Variants in MMP26 observed in about 807,000 individuals in gnomAD.
The protein encoded by MMP26 is matrix metalloproteinase-26.
A neutral mutation model predicts 31.0 loss-of-function variants in MMP26; 33 were observed. That is an observed-to-expected ratio of 1.06 (90% CI 0.81 to 1.42). The LOEUF (loss-of-function observed/expected upper bound fraction) is 1.42. MMP26 is among the 40% of genes most tolerant of loss of function. The pLI, the probability that MMP26 is intolerant of heterozygous loss-of-function variation, is 0.00. For synonymous variants in MMP26, 122 were observed against 114.9 expected (o/e 1.06, Z -0.40); for missense variants, 347 against 316.1 (o/e 1.10, Z -0.74).
intron 2 of MMP26, among the ~76,000 whole-genome samples, chr11:4,893,358 G>T (rs1850656138): frequency 6.6e-6 from 1 of 151,900 alleles, no homozygotes; most frequent in Non-Finnish European, 1.5e-5. Context: ...GGTCCAATAG[G>T]AGAAGACCAC....
intron 2 of MMP26, among the ~76,000 whole-genome samples, chr11:4,962,559 C>G (rs143945579): frequency 1.1e-3 from 169 of 152,250 alleles, no homozygotes; most frequent in African/African-American, 4.0e-3. Context: ...ATCTCTACCC[C>G]CAAACAACTT....
At chr11:4,978,932 A>C (rs1846776480) in intron 2 of MMP26, among the ~76,000 whole-genome samples, 1 of 152,146 alleles carries the variant, frequency 6.6e-6, no homozygotes, top group Non-Finnish European at 1.5e-5. Context: ...ATAAGATAGA[A>C]TCTACCAGCA....
intron 2 of MMP26, chr11:4,889,906 A>T (rs893947827): frequency 6.4e-6 from 1 of 156,364 alleles, no homozygotes; most frequent in Non-Finnish European, 1.4e-5. Context: ...TAATGAACAC[A>T]CTTTCTGACA....
chr11:4,882,244 G>A (rs765974897), intron 2 of MMP26: 35 of 1,613,726 alleles, frequency 2.2e-5, no homozygotes, highest in Middle Eastern at 1.6e-4. Context: ...TGGAGTCCTC[G>A]GTGCTGGTAG....
chr11:4,760,502 G>T (rs1848557892), intron 1 of MMP26, among the ~76,000 whole-genome samples: 1 of 152,216 alleles, frequency 6.6e-6, no homozygotes, highest in Non-Finnish European at 1.5e-5. Context: ...TGAGAAAATA[G>T]ATGAGAGGAT....
Position 4,907,530 on chromosome 11 carries a change from C to T in MMP26, c.-144-80538C>T, listed in dbSNP as rs753338342. ...CTCTTTATTATAAAGACAGAGCCCT[C>T]GCTTCATGAGCCCATGTATTATTTC... On this transcript the variant is annotated intron_variant, in intron 2 of 7. Coordinates refer to ENST00000380390, the MANE Select transcript of MMP26 (RefSeq NM_021801.5). 40 of 1,613,948 alleles carry T rather than the reference C, an allele frequency of 2.5e-5. No homozygotes were observed. The highest frequency in any genetic ancestry group is 3.3e-5 in the Admixed American group (2 of 59,988).
In MMP26 at chr11:4,722,718, G is replaced by A. The variant is rs7941234; in HGVS notation, c.-217+17673G>A. The A allele has an allele frequency of 6.0e-3, 4,943 of 817,424 alleles. 172 individuals carry two copies. The African/African-American group carries it at 0.073, about 12-fold the overall frequency. The allele number at this position is 817,424 out of a possible 1,614,324, so 50.6% of individuals were successfully genotyped here. On this transcript the variant is annotated intron_variant, in intron 1 of 7. Transcript: ENST00000380390. Reference sequence around the variant, plus strand: ...CAGCCGCAGGAGGGGCAGGCTGGGAGGGGCTGCCACAGCTGTTCACTTGGG... The same window carrying A: ...CAGCCGCAGGAGGGGCAGGCTGGGAAGGGCTGCCACAGCTGTTCACTTGGG...
intron 1 of MMP26, among the ~76,000 whole-genome samples, chr11:4,739,665 C>G (rs73390855): frequency 0.17 from 26,415 of 152,032 alleles, 2,771 homozygotes; most frequent in African/African-American, 0.3. Context: ...CCAAATCTTA[C>G]TTTATGATAC....
intron 1 of MMP26, among the ~76,000 whole-genome samples, chr11:4,766,772 C>T (rs984362894): frequency 8.0e-5 from 10 of 125,272 alleles, no homozygotes; most frequent in African/African-American, 2.7e-4. Context: ...TTTCCTCCCA[C>T]GGTTTCTCTC....
chr11:4,873,494 G>C (rs1850337376), intron 2 of MMP26, among the ~76,000 whole-genome samples: 1 of 151,834 alleles, frequency 6.6e-6, no homozygotes, highest in Non-Finnish European at 1.5e-5. Context: ...GCAGGCCATT[G>C]GTATTAAATG....
intron 2 of MMP26, among the ~76,000 whole-genome samples, chr11:4,873,957 G>A (rs1273063338): frequency 6.6e-6 from 1 of 151,928 alleles, no homozygotes; most frequent in Non-Finnish European, 1.5e-5. Flanking sequence ...AGAGATACAG[G>A]TAAAGAGAGA....
At chr11:4,784,235 G>C (rs1378749103) in intron 2 of MMP26, among the ~76,000 whole-genome samples, 2 of 152,172 alleles carry the variant, frequency 1.3e-5, no homozygotes, top group Non-Finnish European at 2.9e-5. Flanking sequence ...CATACATGTG[G>C]CTTTTCCATG....
At position 4,988,120 on chromosome 11, in the gene MMP26, T is replaced by A; in HGVS notation, c.-92T>A. 1 of 1,107,808 alleles carries A rather than the reference T, an allele frequency of 9.0e-7. No individual in the cohort carries two copies. Among genetic ancestry groups the A allele is most frequent in the Non-Finnish European group, 1.4e-6 (1 of 719,536 alleles). The allele number at this position is 1,107,808 out of a possible 1,614,324, so 68.6% of individuals were successfully genotyped here. ...TCAAAGAAAGGGCAAACTGGCAGAGTGAGTCATTGGATGTTGCTGGCACAG... is the reference window on the plus strand; with the variant it reads ...TCAAAGAAAGGGCAAACTGGCAGAGAGAGTCATTGGATGTTGCTGGCACAG... On this transcript the variant is annotated 5_prime_UTR_variant, in exon 3 of 8. Transcript: ENST00000380390.
chr11:4,848,733 C>G, intron 2 of MMP26: 4 of 1,613,888 alleles, frequency 2.5e-6, no homozygotes, highest in Non-Finnish European at 3.4e-6. Context: ...ACCCAGGCAT[C>G]GAAAAGAAAT....
At chr11:4,907,358 A>T in intron 2 of MMP26, 4 of 1,530,322 alleles carry the variant, frequency 2.6e-6, no homozygotes, top group Non-Finnish European at 2.7e-6. Context: ...ACGAGCTCAT[A>T]TCTCCCTCAT....
At chr11:4,766,507 A>G (rs938681478) in intron 1 of MMP26, among the ~76,000 whole-genome samples, 1 of 151,940 alleles carries the variant, frequency 6.6e-6, no homozygotes, top group Admixed American at 6.6e-5. Flanking sequence ...GAGTTCTTTG[A>G]CTCTAACAAT....
chr11:4,711,089 G>A (rs1847856903), intron 1 of MMP26: 1 of 152,208 alleles, frequency 6.6e-6, no homozygotes, highest in African/African-American at 2.4e-5. Context: ...CTAAATATAT[G>A]TCTAAAGAAG....
intron 2 of MMP26, among the ~76,000 whole-genome samples, chr11:4,794,404 T>A (rs1003724595): frequency 3.3e-5 from 5 of 152,132 alleles, no homozygotes; most frequent in African/African-American, 1.2e-4. Flanking sequence ...CAACAAGCAA[T>A]TTATCCCCTA....
intron 2 of MMP26, among the ~76,000 whole-genome samples, chr11:4,924,990 A>G (rs1042817117): frequency 2.6e-5 from 4 of 152,216 alleles, no homozygotes; most frequent in Non-Finnish European, 5.9e-5. Context: ...ATATATATAT[A>G]AGTGTAGTGT....
Sources: gnomAD v4.1 joint callset for allele counts (sites outside exome capture counted in the v4.1 genomes callset) on GRCh38, gnomAD v4.1.1 for gene constraint, MANE v1.5 for transcripts, NCBI Gene and HGNC (gene_info 2026-07-23, HGNC 2026-07-21) for gene names.